The following EYA1 variants were observed in gnomAD, a reference collection of about 807,000 sequenced individuals.
The protein encoded by EYA1 is EYA transcriptional coactivator and phosphatase 1, also known as protein phosphatase EYA1.
Under a neutral mutation model 82.0 loss-of-function variants are expected in EYA1, and 16 were observed. The observed-to-expected ratio is 0.20, with a 90% CI of 0.13 to 0.30. EYA1 has a LOEUF of 0.30. Ranked by LOEUF, EYA1 falls within the 10% of genes least tolerant of loss-of-function variation. The probability of loss-of-function intolerance (pLI) is 1.00; values close to 1 mark genes in which losing one functional copy is unlikely to be tolerated. For missense variants in EYA1, 633 were observed against 730.7 expected, an observed-to-expected ratio of 0.87 and a Z score of 1.54; for synonymous variants, 261 against 264.4, an observed-to-expected ratio of 0.99 and a Z score of 0.12.
Position 71,203,830 on chromosome 8 carries a change from T to C in EYA1, c.1699-4410A>G, listed in dbSNP as rs998465292. Among the ~76,000 whole-genome samples, 3 of 151,610 alleles carry C rather than the reference T, an allele frequency of 2.0e-5. No homozygotes were observed. The East Asian group carries it at 5.8e-4, about 29-fold the overall frequency. On this transcript the variant is annotated intron_variant, in intron 17 of 17. Transcript: ENST00000340726. Reference sequence around the variant, plus strand: ...AGGTAGAATTACAGTGGAAATGGAGTGGGTGTAATAGATGCAAGACATATT... The same window carrying C: ...AGGTAGAATTACAGTGGAAATGGAGCGGGTGTAATAGATGCAAGACATATT...
chr8:71,240,122 T>C lies in EYA1; in HGVS notation c.1140+4481A>G, dbSNP rs529680699. On this transcript the variant is annotated intron_variant, in intron 12 of 17. Coordinates refer to ENST00000340726, the MANE Select transcript of EYA1 (RefSeq NM_000503.6). ...AAGACTGAATTAAACCAAGGGATAATCTTCTCTTTGCTTTACAAGAAAAAT... is the reference window on the plus strand; with the variant it reads ...AAGACTGAATTAAACCAAGGGATAACCTTCTCTTTGCTTTACAAGAAAAAT... Among the ~76,000 whole-genome samples the C allele has an allele frequency of 6.6e-5, 10 of 152,294 alleles. No individual in the cohort carries two copies. In the South Asian group the frequency reaches 1.7e-3, roughly 25 times the overall value.
chr8:71,514,585 T>G (rs999620513), intron 2 of EYA1, among the ~76,000 whole-genome samples: 3 of 152,100 alleles, frequency 2.0e-5, no homozygotes, highest in African/African-American at 4.8e-5. Flanking sequence ...GCACTTCTTA[T>G]ATGGCAGTGG....
At chr8:71,374,173 A>C (rs1437748813) in intron 2 of EYA1, among the ~76,000 whole-genome samples, 1 of 152,202 alleles carries the variant, frequency 6.6e-6, no homozygotes, top group Non-Finnish European at 1.5e-5. Context: ...ACAGCAGATA[A>C]AACAATCAAT....
intron 9 of EYA1, among the ~76,000 whole-genome samples, chr8:71,278,561 C>T (rs1817463579): frequency 6.6e-6 from 1 of 152,220 alleles, no homozygotes. Context: ...TATATTCCCT[C>T]TGTGAACAGT....
chr8:71,381,447 GT>G (rs1286633115), intron 2 of EYA1, among the ~76,000 whole-genome samples: 1 of 152,084 alleles, frequency 6.6e-6, no homozygotes. Context: ...TGAAACGCCG[GT>G]GGAAGAAAAA....
At chr8:71,387,062 C>T (rs1269255577) in intron 2 of EYA1, among the ~76,000 whole-genome samples, 1 of 152,146 alleles carries the variant, frequency 6.6e-6, no homozygotes, top group Non-Finnish European at 1.5e-5. Flanking sequence ...GACATGTCCC[C>T]TACCCCTATA....
At chr8:71,404,954 T>C (rs1319978446) in intron 2 of EYA1, 2 of 133,588 alleles carry the variant, frequency 1.5e-5, no homozygotes, top group Non-Finnish European at 1.6e-5. Flanking sequence ...TTCAGAAATA[T>C]ACAAAAGGAA....
chr8:71,395,824 T>C (rs1829570673), intron 2 of EYA1, among the ~76,000 whole-genome samples: 1 of 152,180 alleles, frequency 6.6e-6, no homozygotes, highest in Non-Finnish European at 1.5e-5. Context: ...TTAGGGAGTA[T>C]TCCCTCTTTT....
chr8:71,346,757 A>T (rs2129059082), intron 3 of EYA1, among the ~76,000 whole-genome samples: 1 of 152,302 alleles, frequency 6.6e-6, no homozygotes, highest in African/African-American at 2.4e-5. Context: ...GACAGCCCAT[A>T]GCAACTATAT....
At chr8:71,252,315 A>G (rs1813845877) in intron 11 of EYA1, among the ~76,000 whole-genome samples, 1 of 151,944 alleles carries the variant, frequency 6.6e-6, no homozygotes, top group African/African-American at 2.4e-5. Context: ...CAAATTTCTG[A>G]AGTGCTATAT....
At chr8:71,409,026 T>A (rs1051391355) in intron 2 of EYA1, among the ~76,000 whole-genome samples, 1 of 123,826 alleles carries the variant, frequency 8.1e-6, no homozygotes, top group Non-Finnish European at 1.6e-5. Context: ...AAAGTATCTC[T>A]CAGACCACAG....
At chr8:71,337,513 A>G (rs1424762967) in intron 3 of EYA1, among the ~76,000 whole-genome samples, 1 of 152,168 alleles carries the variant, frequency 6.6e-6, no homozygotes, top group Non-Finnish European at 1.5e-5. Context: ...GCTACTCTCT[A>G]GATATGAAAT....
intron 12 of EYA1, among the ~76,000 whole-genome samples, chr8:71,232,024 G>A (rs1336125049): frequency 6.6e-6 from 1 of 152,218 alleles, no homozygotes; most frequent in East Asian, 1.9e-4. Context: ...GGAATAGCCA[G>A]GTTCTCTGAC....
intron 7 of EYA1, among the ~76,000 whole-genome samples, chr8:71,313,527 T>A (rs190025980): frequency 6.0e-4 from 91 of 152,286 alleles, no homozygotes; most frequent in African/African-American, 2.1e-3. Flanking sequence ...GCAGTAAAAT[T>A]GACAACAATC....
intron 3 of EYA1, among the ~76,000 whole-genome samples, chr8:71,353,496 C>G (rs1826515514): frequency 6.6e-6 from 1 of 152,134 alleles, no homozygotes; most frequent in Non-Finnish European, 1.5e-5. Context: ...CGCAAAATTT[C>G]AATTTTTGAT....
At chr8:71,427,129 G>A (rs772927651) in intron 2 of EYA1, among the ~76,000 whole-genome samples, 4 of 152,206 alleles carry the variant, frequency 2.6e-5, no homozygotes, top group Non-Finnish European at 5.9e-5. Flanking sequence ...ACTTAGCAAT[G>A]ATTTTGGGGC....
At chr8:71,233,386 A>G (rs1260236346) in intron 12 of EYA1, among the ~76,000 whole-genome samples, 1 of 151,956 alleles carries the variant, frequency 6.6e-6, no homozygotes, top group East Asian at 1.9e-4. Flanking sequence ...AACACAGTGA[A>G]ACCCCGTCTC....
rs144775275 is a variant in EYA1, at chr8:71,322,659, A to C, written c.203-391T>G. Among the ~76,000 whole-genome samples the C allele has an allele frequency of 7.0e-3, 1,061 of 152,262 alleles. 15 individuals carry two copies. The highest frequency in any genetic ancestry group is 0.024 in the African/African-American group (1,003 of 41,546). Reference sequence around the variant, plus strand: ...TTGCAGGATTGGGTGAGAATGTGAAAGGTCAGCTGGCCTATTGTTTGTGCT... The same window carrying C: ...TTGCAGGATTGGGTGAGAATGTGAACGGTCAGCTGGCCTATTGTTTGTGCT... On this transcript the variant is annotated intron_variant, in intron 4 of 17. Coordinates refer to ENST00000340726, the MANE Select transcript of EYA1 (RefSeq NM_000503.6).
rs113407142 is a variant in EYA1, at chr8:71,518,243, T to C, written c.33+17501A>G. Among the ~76,000 whole-genome samples the C allele has an allele frequency of 2.7e-3, 413 of 152,272 alleles. 1 individual carries two copies. The highest frequency in any genetic ancestry group is 4.7e-3 in the Non-Finnish European group (319 of 67,996). On this transcript the variant is annotated intron_variant, in intron 2 of 18. Coordinates refer to the EYA1 transcript ENST00000643681. ...TCTTAAATCTTTACTACATACTTAC[T>C]TAGAGTCTTAGTTCTTCTTGCCAAA...
Sources: allele counts gnomAD v4.1 joint callset (sites outside exome capture counted in the v4.1 genomes callset), GRCh38; gene constraint gnomAD v4.1.1; transcripts MANE v1.5; gene names NCBI Gene and HGNC (gene_info 2026-07-23, HGNC 2026-07-21).